ULK4: variants seen among roughly 807,000 people sequenced by gnomAD.
ULK4 encodes inactive serine/threonine-protein kinase ULK4.
Under a neutral mutation model 160.6 loss-of-function variants are expected in ULK4, and 133 were observed. The ratio of observed to expected loss-of-function variants is 0.83; its 90% confidence interval spans 0.72 to 0.96. The LOEUF is 0.96. Ranked by LOEUF, ULK4 falls within the 40% of genes least tolerant of loss-of-function variation. The pLI is 0.00. For synonymous variants in ULK4, 534 were observed against 539.8 expected (o/e 0.99, Z 0.15); for missense variants, 1,580 against 1,499.5 (o/e 1.05, Z -0.89).
intron 30 of ULK4, among the ~76,000 whole-genome samples, chr3:41,625,585 G>A (rs931808396): frequency 6.6e-6 from 1 of 152,172 alleles, no homozygotes; most frequent in Non-Finnish European, 1.5e-5. Context: ...AAAAGTTGAT[G>A]TTGCTGATTT....
At chr3:41,309,058 T>A (rs73831305) in intron 35 of ULK4, among the ~76,000 whole-genome samples, 203 of 152,188 alleles carry the variant, frequency 1.3e-3, no homozygotes, top group African/African-American at 4.6e-3. Flanking sequence ...TAAATAAAAT[T>A]TATGAAAGTT....
intron 19 of ULK4, among the ~76,000 whole-genome samples, chr3:41,808,914 A>C (rs2040733727): frequency 6.6e-6 from 1 of 152,186 alleles, no homozygotes; most frequent in Admixed American, 6.6e-5. Context: ...CACACCTGTA[A>C]ACCCAGCATT....
chr3:41,956,597 C>A (rs1700493831), intron 1 of ULK4, among the ~76,000 whole-genome samples: 1 of 152,044 alleles, frequency 6.6e-6, no homozygotes, highest in South Asian at 2.1e-4. Context: ...ACATATGCCC[C>A]ACCTAGACCT....
At chr3:41,940,000 A>G (rs1240752049) in intron 2 of ULK4, among the ~76,000 whole-genome samples, 5 of 152,058 alleles carry the variant, frequency 3.3e-5, no homozygotes, top group African/African-American at 1.2e-4. Context: ...TGTCAAAACA[A>G]GTTGGGTACC....
intron 21 of ULK4, among the ~76,000 whole-genome samples, chr3:41,771,562 T>A (rs1391127862): frequency 3.3e-5 from 5 of 152,116 alleles, no homozygotes; most frequent in African/African-American, 9.7e-5. Context: ...CAACAAAAAA[T>A]CATGAATATC....
chr3:41,297,626 T>C lies in ULK4; in HGVS notation c.3679-48052A>G, dbSNP rs999456568. Among the ~76,000 whole-genome samples the C allele has an allele frequency of 2.2e-4, 34 of 152,148 alleles. 3 individuals carry two copies. The highest frequency in any genetic ancestry group is 2.9e-5 in the Non-Finnish European group (2 of 68,034). Reference sequence around the variant, plus strand: ...GTGTCCTTTGGGAGTTAGGAGCCAATCCTGTTTTTAAGGTCCCACAGATTA... The same window carrying C: ...GTGTCCTTTGGGAGTTAGGAGCCAACCCTGTTTTTAAGGTCCCACAGATTA... On this transcript the variant is annotated intron_variant, in intron 35 of 36. Transcript: ENST00000301831.
In ULK4 at chr3:41,247,011, T is replaced by C. The variant is rs1266774566; in HGVS notation, c.3765-19A>G. The C allele has an allele frequency of 6.2e-7, 1 of 1,611,912 alleles. No homozygotes were observed. Among genetic ancestry groups the C allele is most frequent in the Non-Finnish European group, 8.5e-7 (1 of 1,179,038 alleles). On this transcript the variant is annotated intron_variant, in intron 36 of 36. Coordinates refer to ENST00000301831, the MANE Select transcript of ULK4 (RefSeq NM_017886.4). ...AAATGAACTGTAAGAAAAACCAAAG[T>C]AGGTACACTTAATAGGCATCTCTAA... is the stretch of plus-strand genomic sequence containing the variant.
chr3:41,310,528 C>T (rs2080029056), intron 35 of ULK4, among the ~76,000 whole-genome samples: 1 of 152,060 alleles, frequency 6.6e-6, no homozygotes, highest in Non-Finnish European at 1.5e-5. Flanking sequence ...AGAAAAAGCT[C>T]ACTCGAAACA....
At chr3:41,504,743 C>T (rs1018760323) in intron 32 of ULK4, among the ~76,000 whole-genome samples, 2 of 152,118 alleles carry the variant, frequency 1.3e-5, no homozygotes, top group Admixed American at 1.3e-4. Flanking sequence ...TATAGTTACA[C>T]TTAGGTCTAT....
intron 31 of ULK4, among the ~76,000 whole-genome samples, chr3:41,613,448 G>T (rs1392659677): frequency 6.6e-6 from 1 of 151,932 alleles, no homozygotes; most frequent in African/African-American, 2.4e-5. Context: ...CAGGTCAACT[G>T]GCTGAAAGCA....
At chr3:41,849,796 A>G (rs2042164188) in intron 17 of ULK4, among the ~76,000 whole-genome samples, 1 of 152,124 alleles carries the variant, frequency 6.6e-6, no homozygotes, top group Non-Finnish European at 1.5e-5. Flanking sequence ...ATGTAAACCT[A>G]AAACTACATT....
chr3:41,285,073 C>A (rs1559504384), intron 35 of ULK4, among the ~76,000 whole-genome samples: 1 of 152,004 alleles, frequency 6.6e-6, no homozygotes, highest in Non-Finnish European at 1.5e-5. Context: ...TGGCCATAAT[C>A]AAAAAAATCA....
At chr3:41,586,304 T>C (rs567916116) in intron 31 of ULK4, among the ~76,000 whole-genome samples, 15 of 152,192 alleles carry the variant, frequency 9.9e-5, no homozygotes, top group Non-Finnish European at 1.3e-4. Flanking sequence ...ATTGGAATAA[T>C]ATTCTCTTTA....
At chr3:41,956,250 C>A (rs1205267398) in intron 1 of ULK4, among the ~76,000 whole-genome samples, 1 of 152,116 alleles carries the variant, frequency 6.6e-6, no homozygotes. Flanking sequence ...TGGCTGACTG[C>A]AACCAATAGA....
At chr3:41,783,414 A>G (rs2039912125) in intron 21 of ULK4, among the ~76,000 whole-genome samples, 1 of 151,908 alleles carries the variant, frequency 6.6e-6, no homozygotes, top group African/African-American at 2.4e-5. Context: ...GCTCATGCCT[A>G]TAACCCCAGC....
intron 27 of ULK4, among the ~76,000 whole-genome samples, chr3:41,700,117 T>C (rs1478447876): frequency 6.6e-6 from 1 of 152,184 alleles, no homozygotes; most frequent in Non-Finnish European, 1.5e-5. Context: ...TACTGTTACT[T>C]GGATTAACAT....
chr3:41,922,895 G>A (rs1054767944), intron 5 of ULK4, among the ~76,000 whole-genome samples: 9 of 152,172 alleles, frequency 5.9e-5, no homozygotes, highest in African/African-American at 2.2e-4. Context: ...AACCAGGCCA[G>A]GTGCGGTGCC....
At chr3:41,326,685 G>C (rs149669184) in intron 35 of ULK4, among the ~76,000 whole-genome samples, 1 of 152,256 alleles carries the variant, frequency 6.6e-6, no homozygotes, top group Non-Finnish European at 1.5e-5. Flanking sequence ...GTTTTAAGCT[G>C]TTTCTAATGG....
chr3:41,681,660 GA>G lies in ULK4; in HGVS notation c.2834-9del, dbSNP rs201008855. 377 of 1,519,726 alleles carry G rather than the reference GA, an allele frequency of 2.5e-4. 1 individual carries two copies. Among genetic ancestry groups the G allele is most frequent in the South Asian group, 1.3e-3 (104 of 82,328 alleles). The allele number at this position is 1,519,726 out of a possible 1,614,324, so 94.1% of individuals were successfully genotyped here. On this transcript the variant is annotated splice_polypyrimidine_tract_variant and intron_variant, in intron 28 of 36. Coordinates refer to ENST00000301831, the MANE Select transcript of ULK4 (RefSeq NM_017886.4). ...TAAAGAGTCTCCACTCCACTTGAAA[GA>G]AAAAAAAAATGCCAAGAATGTGACT...
Sources: allele counts gnomAD v4.1 joint callset (sites outside exome capture counted in the v4.1 genomes callset), GRCh38; gene constraint gnomAD v4.1.1; transcripts MANE v1.5; gene names NCBI Gene and HGNC (gene_info 2026-07-23, HGNC 2026-07-21).